Variants in SLC25A48 observed in about 807,000 individuals in gnomAD.
The protein encoded by SLC25A48 is solute carrier family 25 member 48.
A neutral mutation model predicts 32.2 loss-of-function variants in SLC25A48; 29 were observed. That is an observed-to-expected ratio of 0.90 (90% CI 0.67 to 1.23). The LOEUF (loss-of-function observed/expected upper bound fraction) is 1.23, where lower values mean the gene tolerates loss of function less well. Ranked by LOEUF, SLC25A48 falls within the 50% of genes most tolerant of loss-of-function variation. SLC25A48 has a pLI of 0.00. For missense variants in SLC25A48, 399 were observed against 422.7 expected (o/e 0.94, Z 0.49); for synonymous variants, 164 against 172.3 (o/e 0.95, Z 0.38).
intron 3 of SLC25A48, among the ~76,000 whole-genome samples, chr5:135,790,338 AT>A (rs376890340): frequency 8.6e-5 from 13 of 151,922 alleles, no homozygotes; most frequent in Admixed American, 5.9e-4. Flanking sequence ...TATATTATTC[AT>A]AATGTCCTAG....
chr5:135,774,970 C>T (rs781765650), intron 3 of SLC25A48, among the ~76,000 whole-genome samples: 4 of 151,700 alleles, frequency 2.6e-5, no homozygotes, highest in Non-Finnish European at 4.4e-5. Context: ...AGAGGTTGTA[C>T]ACCCCGCTTG....
chr5:135,747,414 A>G (rs1755668357), intron 3 of SLC25A48, among the ~76,000 whole-genome samples: 1 of 151,414 alleles, frequency 6.6e-6, no homozygotes, highest in South Asian at 2.1e-4. Flanking sequence ...TTTCCCCCCA[A>G]GTGTGGTCAG....
chr5:135,625,537 G>A (rs1400537570), intron 1 of SLC25A48, among the ~76,000 whole-genome samples: 1 of 152,172 alleles, frequency 6.6e-6, no homozygotes, highest in Non-Finnish European at 1.5e-5. Flanking sequence ...CCTCTGGGTA[G>A]AAGAGGAGGA....
At chr5:135,776,673 T>G (rs1057484231) in intron 3 of SLC25A48, among the ~76,000 whole-genome samples, 1 of 151,336 alleles carries the variant, frequency 6.6e-6, no homozygotes, top group African/African-American at 2.4e-5. Flanking sequence ...AGAGTGATAT[T>G]TCTCCCAATA....
chr5:135,830,125 C>G (rs895655988), upstream of SLC25A48, among the ~76,000 whole-genome samples: 1 of 152,190 alleles, frequency 6.6e-6, no homozygotes, highest in Non-Finnish European at 1.5e-5. Flanking sequence ...CCCTCTGAGC[C>G]TCCTGGGCCA....
chr5:135,762,629 C>T (rs556731683), intron 3 of SLC25A48, among the ~76,000 whole-genome samples: 2 of 151,864 alleles, frequency 1.3e-5, no homozygotes, highest in South Asian at 2.1e-4. Flanking sequence ...AGTGAGTGTG[C>T]GGGTAACTAT....
At chr5:135,786,808 A>T (rs958562252) in intron 3 of SLC25A48, among the ~76,000 whole-genome samples, 1 of 152,052 alleles carries the variant, frequency 6.6e-6, no homozygotes, top group African/African-American at 2.4e-5. Flanking sequence ...TTTATACCTA[A>T]TGTCACAGTG....
chr5:135,879,075 C>T (rs1762250987), intron 6 of SLC25A48, among the ~76,000 whole-genome samples: 1 of 152,144 alleles, frequency 6.6e-6, no homozygotes, highest in Non-Finnish European at 1.5e-5. Flanking sequence ...GTTTGGGAAG[C>T]ATCACATAAT....
rs148541841 is a variant in SLC25A48, at chr5:135,624,973, G to C, written c.-848-4264G>C. Among the ~76,000 whole-genome samples the C allele has an allele frequency of 4.4e-3, 665 of 152,254 alleles. 10 individuals carry two copies. The highest frequency in any genetic ancestry group is 0.039 in the Admixed American group (600 of 15,284). On this transcript the variant is annotated intron_variant, in intron 1 of 10. Coordinates refer to the SLC25A48 transcript ENST00000646290. ...GGAATATCACTGTGCCAGGCCCAGG[G>C]CTGGCAACATATTCTGATCCCTGTC...
Position 135,726,188 on chromosome 5 carries a change from C to T in SLC25A48, c.-520-86335C>T, listed in dbSNP as rs11956469. Among the ~76,000 whole-genome samples the T allele has an allele frequency of 9.8e-3, 1,496 of 152,306 alleles. 27 individuals are homozygous for T. Among genetic ancestry groups the T allele is most frequent in the African/African-American group, 0.033 (1,380 of 41,570 alleles). Reference sequence around the variant, plus strand: ...AAGCCCCAGCAGTGTAGCAGCAGGGCCATGTCTGCCAGTTTTCTGGGGACA... The same window carrying T: ...AAGCCCCAGCAGTGTAGCAGCAGGGTCATGTCTGCCAGTTTTCTGGGGACA... On this transcript the variant is annotated intron_variant, in intron 3 of 10. Transcript: ENST00000646290.
At chr5:135,833,906 G>A (rs978564963), upstream of SLC25A48, among the ~76,000 whole-genome samples, 1 of 152,180 alleles carries the variant, frequency 6.6e-6, no homozygotes, top group South Asian at 2.1e-4. Flanking sequence ...ACAAGAGCAG[G>A]CCCAGCAGAG....
intron 3 of SLC25A48, among the ~76,000 whole-genome samples, chr5:135,703,493 G>A (rs1200076535): frequency 6.6e-6 from 1 of 152,048 alleles, no homozygotes; most frequent in South Asian, 2.1e-4. Flanking sequence ...GTTCTAACAG[G>A]GTGGGCATTT....
intron 1 of SLC25A48, among the ~76,000 whole-genome samples, chr5:135,624,286 A>C (rs991548495): frequency 1.1e-4 from 16 of 152,304 alleles, no homozygotes; most frequent in African/African-American, 3.4e-4. Context: ...AGGCGAGCAA[A>C]CCGGGGCTAC....
chr5:135,726,976 A>G (rs576127674), intron 3 of SLC25A48, among the ~76,000 whole-genome samples: 2 of 151,918 alleles, frequency 1.3e-5, no homozygotes, highest in East Asian at 3.9e-4. Context: ...TGGTGTCACT[A>G]TTTTCAGTTT....
intron 4 of SLC25A48, among the ~76,000 whole-genome samples, chr5:135,859,137 T>A (rs945855787): frequency 6.6e-6 from 1 of 152,120 alleles, no homozygotes; most frequent in Non-Finnish European, 1.5e-5. Flanking sequence ...ACCTCCTATA[T>A]TAGTCCAATC....
intron 3 of SLC25A48, among the ~76,000 whole-genome samples, chr5:135,666,792 A>G (rs1753535818): frequency 6.6e-6 from 1 of 152,008 alleles, no homozygotes; most frequent in African/African-American, 2.4e-5. Context: ...AAGGAAAGCT[A>G]TTTTCCTATC....
At chr5:135,635,153 C>A (rs1400758956) in intron 3 of SLC25A48, among the ~76,000 whole-genome samples, 1 of 152,176 alleles carries the variant, frequency 6.6e-6, no homozygotes, top group Non-Finnish European at 1.5e-5. Context: ...TGTGACTCTG[C>A]CCTCTGGCCT....
intron 4 of SLC25A48, among the ~76,000 whole-genome samples, chr5:135,817,691 A>G (rs953169871): frequency 3.3e-5 from 5 of 152,236 alleles, no homozygotes; most frequent in Admixed American, 2.0e-4. Flanking sequence ...TAAAATTTCC[A>G]TTTCCTAGAA....
chr5:135,768,212 T>A (rs1756299032), intron 3 of SLC25A48, among the ~76,000 whole-genome samples: 1 of 136,954 alleles, frequency 7.3e-6, no homozygotes, highest in South Asian at 2.3e-4. Context: ...ACTGTGATAT[T>A]TTTCATAATA....
Sources: allele counts gnomAD v4.1 joint callset (sites outside exome capture counted in the v4.1 genomes callset), GRCh38; gene constraint gnomAD v4.1.1; transcripts MANE v1.5; gene names NCBI Gene and HGNC (gene_info 2026-07-23, HGNC 2026-07-21).